Variants in LHX2 observed in about 807,000 individuals in gnomAD.
LHX2 encodes the protein LIM homeobox 2, also known as LIM/homeobox protein Lhx2.
In LHX2, 6 loss-of-function variants were observed where a neutral mutation model predicts 33.0. The ratio of observed to expected loss-of-function variants is 0.18; its 90% CI spans 0.10 to 0.36. The LOEUF is 0.36. Ranked by LOEUF, LHX2 falls within the 10% of genes least tolerant of loss-of-function variation. The pLI is 1.00. For synonymous variants in LHX2, 292 were observed against 253.1 expected (o/e 1.15, Z -1.46); for missense variants, 442 against 586.2 (o/e 0.75, Z 2.54).
chr9:124,029,749 G>A (rs1332617471), intron 4 of LHX2, among the ~76,000 whole-genome samples: 5 of 152,326 alleles, frequency 3.3e-5, no homozygotes, highest in East Asian at 1.9e-4. Context: ...AGAGTCAGAC[G>A]CACAGAGCAC....
rs368124993 is a variant in LHX2 at position 124,017,543 on chromosome 9, G to T, written c.727+2018G>T. Among the ~76,000 whole-genome samples, 5 of 152,306 alleles carry T rather than the reference G, an allele frequency of 3.3e-5. No homozygotes were observed. In the East Asian group the frequency reaches 7.7e-4, roughly 24 times the overall value. On this transcript the variant is annotated intron_variant, in intron 3 of 4. Coordinates refer to ENST00000373615, the MANE Select transcript of LHX2 (RefSeq NM_004789.4). ...CGGGGACCCTGGAGGGTGCGATCGC[G>T]GACGGGGTGTGCGGGCGCGGGTCGT...
At chr9:124,025,653 T>C (rs1246047301) in intron 4 of LHX2, among the ~76,000 whole-genome samples, 1 of 151,932 alleles carries the variant, frequency 6.6e-6, no homozygotes, top group Non-Finnish European at 1.5e-5. Flanking sequence ...TGGTGTGACT[T>C]TGGAAGAAAA....
At position 124,015,594 on chromosome 9, in the gene LHX2, C is replaced by T; in HGVS notation, c.727+69C>T. The T allele has an allele frequency of 7.1e-7, 1 of 1,417,482 alleles. No individual in the cohort carries two copies. Among genetic ancestry groups the T allele is most frequent in the African/African-American group, 1.4e-5 (1 of 69,050 alleles). The allele number at this position is 1,417,482 out of a possible 1,614,324, so 87.8% of individuals were successfully genotyped here. A position where few individuals can be genotyped will look rare whatever the true frequency, so the allele number is the denominator to read the frequency against. On this transcript the variant is annotated intron_variant, in intron 3 of 4. Transcript: ENST00000373615. This position sits in a 1 kb window ranked among gnomAD's most constrained non-coding sequence, Gnocchi z 7.9. ...AGTGTGCGGCCTCGACGGCCGGGAG[C>T]TGGATTGAATCTCTGTGTGCTGGGC...
intron 4 of LHX2, among the ~76,000 whole-genome samples, chr9:124,030,560 G>T (rs1290977627): frequency 6.6e-6 from 1 of 151,504 alleles, no homozygotes; most frequent in Non-Finnish European, 1.5e-5. Flanking sequence ...GGGTCCCTGT[G>T]TTTGTGCTGT....
rs1271996144 is a variant in LHX2, at chr9:124,014,617, G to T, written c.323+454G>T. Among the ~76,000 whole-genome samples the T allele has an allele frequency of 6.6e-6, 1 of 152,190 alleles. No individual in the cohort carries two copies. Among genetic ancestry groups the T allele is most frequent in the Non-Finnish European group, 1.5e-5 (1 of 68,038 alleles). On this transcript the variant is annotated intron_variant, in intron 2 of 4. Coordinates refer to ENST00000373615, the MANE Select transcript of LHX2 (RefSeq NM_004789.4). This position sits in a 1 kb window ranked among gnomAD's most constrained non-coding sequence, Gnocchi z 4.8. ...GAAAATGGGAATGAAAGGTGGCCAAGATCAAAGAACCAGAATCACTAGTAG... is the reference window on the plus strand; with the variant it reads ...GAAAATGGGAATGAAAGGTGGCCAATATCAAAGAACCAGAATCACTAGTAG...
rs1859089877 is a variant in LHX2 at position 124,011,810 on chromosome 9, A to G, written c.-539A>G. The G allele has an allele frequency of 6.6e-6, 1 of 151,568 alleles. No individual in the cohort carries two copies. The highest frequency in any genetic ancestry group is 2.0e-4 in the East Asian group (1 of 5,052). The allele number at this position is 151,568 out of a possible 1,614,324, so 9.4% of individuals were successfully genotyped here. A position where few individuals can be genotyped will look rare whatever the true frequency, so the allele number is the denominator to read the frequency against. On this transcript the variant is annotated 5_prime_UTR_variant, in exon 1 of 5. Coordinates refer to ENST00000373615, the MANE Select transcript of LHX2 (RefSeq NM_004789.4). ...GACTCGGCTCGCAGGCTTCGGAGAA[A>G]CCCCTACTCCAGTCGCCGACTCAGC...
At chr9:124,013,848 C>T (rs913819287) in intron 1 of LHX2, 113 bp from the exon 2 acceptor site, 19 of 929,404 alleles carry the variant, frequency 2.0e-5, no homozygotes, top group Non-Finnish European at 2.8e-5. Context: ...CAGCCCCCTC[C>T]GCGTTCAGGG....
chr9:124,014,756 T>A lies in LHX2; in HGVS notation c.324-366T>A, dbSNP rs905560651. On this transcript the variant is annotated intron_variant, in intron 2 of 4. Transcript: ENST00000373615. The surrounding 1 kb of genome is among the most constrained non-coding windows in gnomAD (Gnocchi z 4.8). ...CTCTCTCTTTCCCTGTCTCTGTGTT[T>A]CTTCCAAATTATAAAAGTCAGTAGG... is the stretch of plus-strand genomic sequence containing the variant. Among the ~76,000 whole-genome samples the A allele has an allele frequency of 2.6e-4, 40 of 152,238 alleles. No individual in the cohort carries two copies. Among genetic ancestry groups the A allele is most frequent in the Admixed American group, 2.2e-3 (33 of 15,292 alleles).
chr9:124,027,393 T>C (rs139820076), intron 4 of LHX2, among the ~76,000 whole-genome samples: 2 of 152,306 alleles, frequency 1.3e-5, no homozygotes, highest in African/African-American at 4.8e-5. Context: ...CACATCTCAA[T>C]TCTGTTTGTG....
At chr9:124,018,438 C>CCCG (rs1478823169) in intron 3 of LHX2, among the ~76,000 whole-genome samples, 4 of 152,148 alleles carry the variant, frequency 2.6e-5, no homozygotes, top group Non-Finnish European at 5.9e-5. Flanking sequence ...GGCTGCCTCC[C>CCCG]CCGCCGCCGC....
intron 4 of LHX2, among the ~76,000 whole-genome samples, chr9:124,025,965 A>G (rs758249265): frequency 5.3e-5 from 8 of 152,116 alleles, no homozygotes; most frequent in Non-Finnish European, 1.0e-4. Flanking sequence ...AGCCTGGGCA[A>G]CAGAGCAAGA....
chr9:124,024,707 A>G (rs541154987), intron 4 of LHX2, among the ~76,000 whole-genome samples: 2 of 152,328 alleles, frequency 1.3e-5, no homozygotes, highest in South Asian at 4.1e-4. Flanking sequence ...AGTCATTTAC[A>G]CAGTACAGTT....
rs775730128 is a variant in LHX2 at position 124,032,556 on chromosome 9, C to T, written c.1070C>T (p.Ser357Leu). The T allele has an allele frequency of 6.2e-7, 1 of 1,614,128 alleles. No homozygotes were observed. The highest frequency in any genetic ancestry group is 1.7e-5 in the Admixed American group (1 of 60,018). ...CCGGCCTCGGAGCTCTCCAACGCCT[C>T]GCTCAGCCCCTCCAGCACGCCCACC... The part of the protein sequence containing the change: ...SGPASELSNA[S>L]LSPSSTPTTL... The change falls in exon 5 of 5, where the codon TCG becomes TTG. Residue 357 changes from serine (S) to leucine (L), a missense_variant. Physicochemically the swap from Ser to Leu is moderately radical, Grantham distance 145. This residue lies in a region of LHX2 where 109 missense variants were observed against 98.7 expected (regional missense o/e 1.10). Coordinates refer to ENST00000373615, the MANE Select transcript of LHX2 (RefSeq NM_004789.4). The surrounding 1 kb of genome is among the most constrained non-coding windows in gnomAD (Gnocchi z 4.1).
chr9:124,018,504 C>T (rs1859234825), intron 3 of LHX2, among the ~76,000 whole-genome samples: 2 of 152,136 alleles, frequency 1.3e-5, no homozygotes, highest in South Asian at 4.1e-4. Flanking sequence ...CGGCTCCTTT[C>T]CCTTTTTCTC....
chr9:124,024,557 A>G (rs999909186), intron 4 of LHX2, among the ~76,000 whole-genome samples: 5 of 152,222 alleles, frequency 3.3e-5, no homozygotes, highest in African/African-American at 7.2e-5. Context: ...TATCTATGAA[A>G]TGGGGATGAG....
At chr9:124,030,012 C>T (rs1490033185) in intron 4 of LHX2, among the ~76,000 whole-genome samples, 1 of 152,224 alleles carries the variant, frequency 6.6e-6, no homozygotes, top group African/African-American at 2.4e-5. Flanking sequence ...GTCTGAGAAG[C>T]ACTGTACTTA....
Position 124,012,369 on chromosome 9 carries a change from G to A in LHX2, c.21G>A (p.Ser7=), listed in dbSNP as rs891476244. Residue 7 remains serine (S), a synonymous_variant, in exon 1 of 5, where the codon TCG becomes TCA. Coordinates refer to ENST00000373615, the MANE Select transcript of LHX2 (RefSeq NM_004789.4). The surrounding 1 kb of genome is among the most constrained non-coding windows in gnomAD (Gnocchi z 4.3). ...CCGCGATGCTGTTCCACAGTCTGTC[G>A]GGCCCCGAGGTGCACGGGGTCATCG... MLFHSL[S]GPEVHGVIDE... 1.3e-6 allele frequency: 2 copies of A among 1,523,840 alleles called. No homozygotes were observed. The allele number at this position is 1,523,840 out of a possible 1,614,324, so 94.4% of individuals were successfully genotyped here.
In LHX2 at chr9:124,016,315, C is replaced by G. The variant is rs539880486; in HGVS notation, c.727+790C>G. Among the ~76,000 whole-genome samples, 2 of 152,182 alleles carry G rather than the reference C, an allele frequency of 1.3e-5. No individual in the cohort carries two copies. Among genetic ancestry groups the G allele is most frequent in the Non-Finnish European group, 2.9e-5 (2 of 68,028 alleles). On this transcript the variant is annotated intron_variant, in intron 3 of 4. Transcript: ENST00000373615. The surrounding 1 kb of genome is among the most constrained non-coding windows in gnomAD (Gnocchi z 4.4). The stretch of plus-strand genomic sequence containing the variant: ...GGCCATTCCCGGAGAAGCTCTGCCC[C>G]CTCCCGCGCCCCTCCCTGCTCAGGA...
Position 124,032,267 on chromosome 9 carries a change from CA to C in LHX2, c.934-147del. 7 of 982,746 alleles carry C rather than the reference CA, an allele frequency of 7.1e-6. No individual in the cohort carries two copies. Among genetic ancestry groups the C allele is most frequent in the African/African-American group, 1.7e-5 (1 of 60,334 alleles). The allele number at this position is 982,746 out of a possible 1,614,324, so 60.9% of individuals were successfully genotyped here. On this transcript the variant is annotated intron_variant, in intron 4 of 4. Transcript: ENST00000373615. This position sits in a 1 kb window ranked among gnomAD's most constrained non-coding sequence, Gnocchi z 4.1. The stretch of plus-strand genomic sequence containing the variant: ...CAAACAAAAACAAAAACAAAAAAAC[CA>C]AAAAAGCAAAATATTGCCAACCTGA...
Sources: allele counts gnomAD v4.1 joint callset (sites outside exome capture counted in the v4.1 genomes callset), GRCh38; gene constraint gnomAD v4.1.1; regional missense constraint gnomAD v4.1.1; non-coding constraint Gnocchi (gnomAD v3.1); transcripts MANE v1.5; gene names NCBI Gene and HGNC (gene_info 2026-07-23, HGNC 2026-07-21).